AGBL1: variants seen among roughly 807,000 people sequenced by gnomAD.
The protein encoded by AGBL1 is AGBL carboxypeptidase 1, also known as cytosolic carboxypeptidase 4.
In AGBL1, 130 loss-of-function variants were observed where a neutral mutation model predicts 118.9. The observed-to-expected ratio is 1.09, with a 90% CI of 0.95 to 1.26. The LOEUF is 1.26. AGBL1 is among the 50% of genes most tolerant of loss of function. AGBL1 has a pLI of 0.00. For missense variants in AGBL1, 1,584 were observed against 1,298.1 expected (o/e 1.22, Z -3.38); for synonymous variants, 555 against 478.9 (o/e 1.16, Z -2.08).
At chr15:86,639,857 CTGG>C (rs2085162687) in intron 21 of AGBL1, among the ~76,000 whole-genome samples, 1 of 152,166 alleles carries the variant, frequency 6.6e-6, no homozygotes. Flanking sequence ...ATTACGTTTT[CTGG>C]GTGCAGGTTT....
At chr15:86,706,887 C>G (rs2086458775) in intron 22 of AGBL1, among the ~76,000 whole-genome samples, 1 of 152,040 alleles carries the variant, frequency 6.6e-6, no homozygotes, top group Non-Finnish European at 1.5e-5. Context: ...GTTTTCTCTA[C>G]CAGTTACTCA....
At chr15:86,645,188 T>TCTTAGATGACAGGATACATTTAGGA (rs2085257685) in intron 21 of AGBL1, among the ~76,000 whole-genome samples, 1 of 152,220 alleles carries the variant, frequency 6.6e-6, no homozygotes, top group African/African-American at 2.4e-5. Flanking sequence ...ATATTCTTGA[T>TCTTAGATGACAGGATACATTTAGGA]CTTAGATGAC....
At chr15:86,885,458 T>G (rs1293290985) in intron 22 of AGBL1, among the ~76,000 whole-genome samples, 1 of 152,178 alleles carries the variant, frequency 6.6e-6, no homozygotes, top group African/African-American at 2.4e-5. Context: ...TAAAATACCA[T>G]ACGTTGATTA....
chr15:86,236,285 A>T (rs2078541248), intron 6 of AGBL1, among the ~76,000 whole-genome samples: 1 of 151,518 alleles, frequency 6.6e-6, no homozygotes, highest in South Asian at 2.1e-4. Flanking sequence ...CGTGAGGCAC[A>T]CAGAGCACTA....
At chr15:86,929,408 G>T (rs1177604905) in intron 23 of AGBL1, among the ~76,000 whole-genome samples, 2 of 152,126 alleles carry the variant, frequency 1.3e-5, no homozygotes, top group Non-Finnish European at 2.9e-5. Flanking sequence ...CACAAAATGG[G>T]ATAGCTACGC....
Position 86,661,106 on chromosome 15 carries a change from A to G in AGBL1, c.2995-13167A>G, listed in dbSNP as rs568758222. ...AAGCAACCAAAAGATGTCTGTAAGT[A>G]TACACGTCCCAAAGTCCTAATGCAG... is the stretch of plus-strand genomic sequence containing the variant. On this transcript the variant is annotated intron_variant, in intron 21 of 22. Coordinates refer to ENST00000614907, the MANE Select transcript of AGBL1 (RefSeq NM_001386094.1). Among the ~76,000 whole-genome samples the G allele has an allele frequency of 1.1e-4, 16 of 152,294 alleles. No homozygotes were observed. In the South Asian group the frequency reaches 1.7e-3, roughly 16 times the overall value.
intron 22 of AGBL1, among the ~76,000 whole-genome samples, chr15:86,881,675 C>T (rs534017612): frequency 3.3e-5 from 5 of 152,232 alleles, no homozygotes; most frequent in East Asian, 1.9e-4. Flanking sequence ...CACTGTGTCA[C>T]GCAGGCTGGA....
intron 22 of AGBL1, among the ~76,000 whole-genome samples, chr15:86,679,530 A>C (rs2085912975): frequency 6.6e-6 from 1 of 152,004 alleles, no homozygotes; most frequent in South Asian, 2.1e-4. Context: ...ATTTTTGACC[A>C]TCAGCTTTGC....
At chr15:86,768,750 C>A (rs1017648556) in intron 22 of AGBL1, among the ~76,000 whole-genome samples, 8 of 151,944 alleles carry the variant, frequency 5.3e-5, no homozygotes, top group African/African-American at 1.7e-4. Context: ...CATGTATAGT[C>A]GTTTATTGTT....
At chr15:86,191,403 C>T (rs889125527) in intron 5 of AGBL1, among the ~76,000 whole-genome samples, 1 of 145,302 alleles carries the variant, frequency 6.9e-6, no homozygotes, top group Non-Finnish European at 1.5e-5. Context: ...ACAAATTCTC[C>T]TTTTAAATGA....
intron 7 of AGBL1, among the ~76,000 whole-genome samples, chr15:86,250,208 G>A (rs546397709): frequency 2.0e-5 from 3 of 152,010 alleles, no homozygotes; most frequent in East Asian, 3.9e-4. Flanking sequence ...ACCACCACTC[G>A]CCCTTGCTTT....
intron 5 of AGBL1, among the ~76,000 whole-genome samples, chr15:86,197,087 G>A (rs894798253): frequency 1.3e-5 from 2 of 152,136 alleles, no homozygotes; most frequent in Non-Finnish European, 2.9e-5. Flanking sequence ...TATTATGGCA[G>A]CCTGAGCTGA....
chr15:86,718,387 G>A (rs990677689), intron 22 of AGBL1, among the ~76,000 whole-genome samples: 3 of 152,178 alleles, frequency 2.0e-5, no homozygotes, highest in African/African-American at 7.2e-5. Context: ...GGGGCCTCGT[G>A]GGGTGGGTGT....
At chr15:86,735,086 A>G (rs1262829152) in intron 22 of AGBL1, among the ~76,000 whole-genome samples, 1 of 84,586 alleles carries the variant, frequency 1.2e-5, no homozygotes, top group Non-Finnish European at 2.8e-5. Flanking sequence ...AATAATAATT[A>G]TTATTATTAT....
chr15:86,452,638 C>T (rs2082209406), intron 18 of AGBL1, among the ~76,000 whole-genome samples: 1 of 152,152 alleles, frequency 6.6e-6, no homozygotes, highest in Non-Finnish European at 1.5e-5. Flanking sequence ...AGGAAGCTCT[C>T]AACACAGAAG....
intron 22 of AGBL1, among the ~76,000 whole-genome samples, chr15:86,740,400 T>C (rs1332664779): frequency 1.3e-5 from 2 of 152,178 alleles, no homozygotes; most frequent in African/African-American, 2.4e-5. Flanking sequence ...ATTCTTGACA[T>C]AAAATTGTTG....
intron 17 of AGBL1, among the ~76,000 whole-genome samples, chr15:86,324,261 G>C (rs534365890): frequency 6.6e-6 from 1 of 152,262 alleles, no homozygotes; most frequent in Non-Finnish European, 1.5e-5. Context: ...AAGCAAATTA[G>C]AGATGAAGTA....
chr15:86,931,824 A>G (rs1035202598), intron 23 of AGBL1, among the ~76,000 whole-genome samples: 1 of 152,202 alleles, frequency 6.6e-6, no homozygotes, highest in Non-Finnish European at 1.5e-5. Flanking sequence ...TTGCCTAAAT[A>G]TATAAGCAAA....
chr15:86,475,636 T>G (rs992553721), intron 18 of AGBL1, among the ~76,000 whole-genome samples: 3 of 152,172 alleles, frequency 2.0e-5, no homozygotes, highest in Non-Finnish European at 4.4e-5. Flanking sequence ...TGGAACCAAG[T>G]TGGAAAACAC....
Sources: allele counts gnomAD v4.1 joint callset (sites outside exome capture counted in the v4.1 genomes callset), GRCh38; gene constraint gnomAD v4.1.1; transcripts MANE v1.5; gene names NCBI Gene and HGNC (gene_info 2026-07-23, HGNC 2026-07-21).